The following NUP210 variants were observed in gnomAD, a reference collection of about 807,000 sequenced individuals.
NUP210 encodes the protein nuclear pore membrane glycoprotein 210.
A neutral mutation model predicts 196.0 loss-of-function variants in NUP210; 151 were observed. That is an observed-to-expected ratio of 0.77 (90% CI 0.67 to 0.88). The LOEUF is 0.88. Ranked by LOEUF, NUP210 falls within the 40% of genes least tolerant of loss-of-function variation. NUP210 has a pLI of 0.00. For synonymous variants in NUP210, 1,070 were observed against 1,052.7 expected (o/e 1.02, Z -0.32); for missense variants, 2,314 against 2,493.7 (o/e 0.93, Z 1.53).
intron 1 of NUP210, among the ~76,000 whole-genome samples, chr3:13,401,258 T>TTAAAAAAAAAAAAAAAAAAAAA (rs1162470689): frequency 6.1e-5 from 1 of 16,504 alleles, no homozygotes. Context: ...AGACTCTGGC[T>TTAAAAAAAAAAAAAAAAAAAAA]CAAAAAAAAA....
At chr3:13,382,601 T>C (rs1699139584) in intron 6 of NUP210, among the ~76,000 whole-genome samples, 1 of 151,942 alleles carries the variant, frequency 6.6e-6, no homozygotes, top group Non-Finnish European at 1.5e-5. Context: ...GAAGAAAAAA[T>C]TACTGTAAGG....
chr3:13,319,700 G>T, intron 37 of NUP210, 63 bp downstream of exon 37: 1 of 1,424,166 alleles, frequency 7.0e-7, no homozygotes, highest in South Asian at 1.2e-5. Flanking sequence ...TGATAGCCAG[G>T]ACCACTCCTG....
At position 13,319,873 on chromosome 3, in the gene NUP210, C is replaced by T. The variant is rs913127440; in HGVS notation, c.5273G>A (p.Ser1758Asn). ...TVGVLDPAAGSQGPLSTTLTF... is the reference protein window; with the variant it reads ...TVGVLDPAAGNQGPLSTTLTF... ...CAGGGTAGTGGACAGAGGCCCTTGG[C>T]TGCCAGCCGCGGGGTCCAAGACGCC... The change falls in exon 37 of 40, where the codon AGC (serine) becomes AAC (asparagine). Residue 1758 changes from serine to asparagine, a missense_variant. Physicochemically the swap from Ser to Asn is conservative, Grantham distance 46. Transcript: ENST00000254508. The T allele has an allele frequency of 1.2e-6, 2 of 1,614,094 alleles. No homozygotes were observed. Among genetic ancestry groups the T allele is most frequent in the East Asian group, 4.5e-5 (2 of 44,894 alleles).
Position 13,348,269 on chromosome 3 carries a change from C to G in NUP210, c.2835+3610G>C. The G allele has an allele frequency of 1.5e-5, 8 of 526,252 alleles. No individual in the cohort carries two copies. Among genetic ancestry groups the G allele is most frequent in the Non-Finnish European group, 1.2e-5 (5 of 410,388 alleles). The allele number at this position is 526,252 out of a possible 1,614,324, so 32.6% of individuals were successfully genotyped here. ...TCAGACAAGTGTCCCAGCTTCTGCT[C>G]AAATGCCTCCAGAGACAGGGAGCTC... On this transcript the variant is annotated intron_variant, in intron 20 of 39. Transcript: ENST00000254508. This position sits in a 1 kb window ranked among gnomAD's most constrained non-coding sequence, Gnocchi z 4.0.
At position 13,319,883 on chromosome 3, in the gene NUP210, C is replaced by A. The variant is rs569081167; in HGVS notation, c.5263G>T (p.Ala1755Ser). The A allele has an allele frequency of 3.1e-6, 5 of 1,614,058 alleles. No homozygotes were observed. Among genetic ancestry groups the A allele is most frequent in the Non-Finnish European group, 4.2e-6 (5 of 1,180,024 alleles). The stretch of plus-strand genomic sequence containing the variant: ...GACAGAGGCCCTTGGCTGCCAGCCG[C>A]GGGGTCCAAGACGCCGACCGTGTAT... ...ITYTVGVLDPAAGSQGPLSTT... is the reference protein window; with the variant it reads ...ITYTVGVLDPSAGSQGPLSTT... Residue 1755 changes from alanine to serine, a missense_variant, in exon 37 of 40, where the codon GCG becomes TCG. Transcript: ENST00000254508.
chr3:13,342,412 C>T (rs900430590), intron 21 of NUP210, among the ~76,000 whole-genome samples: 2 of 152,202 alleles, frequency 1.3e-5, no homozygotes, highest in African/African-American at 4.8e-5. Context: ...CCAGTAGGAG[C>T]TCAATAAATG....
At chr3:13,331,180 T>C (rs1462887184) in intron 29 of NUP210, among the ~76,000 whole-genome samples, 1 of 152,212 alleles carries the variant, frequency 6.6e-6, no homozygotes, top group East Asian at 1.9e-4. Context: ...TTCTAAGGAC[T>C]GTCAACAGGA....
chr3:13,378,312 A>C (rs1313408646), intron 8 of NUP210, among the ~76,000 whole-genome samples: 1 of 152,322 alleles, frequency 6.6e-6, no homozygotes, highest in African/African-American at 2.4e-5. Context: ...CACTCTTGCC[A>C]TATGAGTCAT....
chr3:13,367,780 C>A (rs772018169), intron 13 of NUP210, among the ~76,000 whole-genome samples: 1 of 152,230 alleles, frequency 6.6e-6, no homozygotes, highest in Non-Finnish European at 1.5e-5. Context: ...GATTCTGCTG[C>A]ATGAATATAG....
intron 35 of NUP210, 45 bp downstream of exon 35, chr3:13,322,146 CAG>C (rs1311187345): frequency 3.1e-6 from 5 of 1,607,550 alleles, no homozygotes; most frequent in African/African-American, 2.7e-5. Context: ...GCCCAGAAGA[CAG>C]AGACTGTCTC....
intron 27 of NUP210, among the ~76,000 whole-genome samples, chr3:13,336,184 T>C (rs1697208068): frequency 1.3e-5 from 2 of 152,160 alleles, no homozygotes; most frequent in Admixed American, 1.3e-4. Context: ...CCATCCCCAC[T>C]GTCCCTGAAT....
intron 9 of NUP210, among the ~76,000 whole-genome samples, chr3:13,377,077 G>A (rs777271060): frequency 1.4e-4 from 21 of 152,202 alleles, no homozygotes; most frequent in African/African-American, 3.9e-4. Context: ...AAGCCAGGAC[G>A]TGCTCCGTGA....
intron 1 of NUP210, among the ~76,000 whole-genome samples, chr3:13,406,431 G>C (rs963020515): frequency 6.6e-6 from 1 of 152,112 alleles, no homozygotes; most frequent in Admixed American, 6.6e-5. Context: ...ACCAGTACAG[G>C]CTCTGGGCCA....
At chr3:13,373,137 G>A (rs1165309456) in intron 12 of NUP210, among the ~76,000 whole-genome samples, 5 of 152,176 alleles carry the variant, frequency 3.3e-5, no homozygotes, top group African/African-American at 1.2e-4. Flanking sequence ...AGGAATAAAG[G>A]GGCTGAGGTC....
At chr3:13,404,027 C>CT (rs1367532199) in intron 1 of NUP210, among the ~76,000 whole-genome samples, 1 of 152,248 alleles carries the variant, frequency 6.6e-6, no homozygotes, top group African/African-American at 2.4e-5. Flanking sequence ...CAGCCCATCC[C>CT]AACACCTCCT....
chr3:13,389,830 G>T (rs1294699737), intron 4 of NUP210, among the ~76,000 whole-genome samples: 2 of 152,190 alleles, frequency 1.3e-5, no homozygotes, highest in African/African-American at 4.8e-5. Flanking sequence ...GAGGCAAGTG[G>T]AAGAGCGGAG....
At chr3:13,338,028 G>A in intron 25 of NUP210, 111 bp from the exon 26 acceptor site, 2 of 968,362 alleles carry the variant, frequency 2.1e-6, no homozygotes, top group East Asian at 2.6e-5. Flanking sequence ...GTGGCGAGAA[G>A]GCCCCTCAGG....
intron 14 of NUP210, 47 bp from the exon 15 acceptor site, chr3:13,360,538 C>T (rs567985056): frequency 2.2e-5 from 33 of 1,481,850 alleles, no homozygotes; most frequent in South Asian, 1.2e-4. Context: ...TAAGGCAGCA[C>T]GGGCAGGAGC....
At chr3:13,327,161 C>G (rs779832697) in intron 32 of NUP210, 56 bp downstream of exon 32, 2 of 1,456,408 alleles carry the variant, frequency 1.4e-6, no homozygotes, top group Non-Finnish European at 9.3e-7. Flanking sequence ...TAGCCCCCAC[C>G]CAGCTTTGCA....
Sources: gnomAD v4.1 joint callset for allele counts (sites outside exome capture counted in the v4.1 genomes callset) on GRCh38, gnomAD v4.1.1 for gene constraint, Gnocchi (gnomAD v3.1) non-coding constraint, MANE v1.5 for transcripts, NCBI Gene and HGNC (gene_info 2026-07-23, HGNC 2026-07-21) for gene names.